Variants in PCNX2 observed in about 807,000 individuals in gnomAD.
PCNX2 encodes pecanex 2, also known as pecanex-like protein 2.
A neutral mutation model predicts 223.8 loss-of-function variants in PCNX2; 168 were observed. The ratio of observed to expected loss-of-function variants is 0.75; its 90% CI spans 0.66 to 0.85. PCNX2 has a LOEUF of 0.85. Among genes scored for constraint, PCNX2 ranks in the 40% least tolerant of loss-of-function variants. PCNX2 has a pLI of 0.00. For synonymous variants in PCNX2, 1,006 were observed against 1,052.6 expected (o/e 0.96, Z 0.86); for missense variants, 2,507 against 2,675.5 (o/e 0.94, Z 1.39).
At chr1:233,070,980 G>A (rs1248825692) in intron 23 of PCNX2, among the ~76,000 whole-genome samples, 1 of 152,152 alleles carries the variant, frequency 6.6e-6, no homozygotes, top group Non-Finnish European at 1.5e-5. Context: ...AGCTTGCAGT[G>A]AGCCGAGATC....
intron 12 of PCNX2, among the ~76,000 whole-genome samples, chr1:233,213,747 G>T (rs1011974181): frequency 1.3e-5 from 2 of 149,008 alleles, no homozygotes; most frequent in East Asian, 4.0e-4. Context: ...AACATTTACA[G>T]AGGACTTAGT....
At chr1:233,022,695 CTTTTTTTTTTTTTT>C (rs372153367) in intron 26 of PCNX2, among the ~76,000 whole-genome samples, 2 of 128,678 alleles carry the variant, frequency 1.6e-5, no homozygotes. Flanking sequence ...CTTTTTCTTT[CTTTTTTTTTTTTTT>C]TTTTTTGAGA....
At chr1:233,277,245 T>C (rs1044485470) in intron 1 of PCNX2, among the ~76,000 whole-genome samples, 2 of 152,214 alleles carry the variant, frequency 1.3e-5, no homozygotes, top group Non-Finnish European at 2.9e-5. Flanking sequence ...CTTCAATCCC[T>C]GCTGGGAGGC....
At chr1:233,261,447 G>T in intron 3 of PCNX2, 126 bp from the exon 4 acceptor site, 1 of 810,928 alleles carries the variant, frequency 1.2e-6, no homozygotes, top group Non-Finnish European at 2.1e-6. Flanking sequence ...ACAATACAGT[G>T]TTCACTCTCC....
At chr1:233,083,384 C>A (rs1673451083) in intron 23 of PCNX2, among the ~76,000 whole-genome samples, 1 of 152,152 alleles carries the variant, frequency 6.6e-6, no homozygotes, top group African/African-American at 2.4e-5. Flanking sequence ...GCAGGGGTAT[C>A]CAGGTGATAT....
chr1:233,219,699 G>A (rs1013937592), intron 10 of PCNX2, among the ~76,000 whole-genome samples: 1 of 152,146 alleles, frequency 6.6e-6, no homozygotes, highest in Non-Finnish European at 1.5e-5. Context: ...AAAGTACAGA[G>A]TTCCCACATA....
At chr1:233,307,344 TC>T in the PCNX2 span, among the ~76,000 whole-genome samples, 1 of 152,116 alleles carries the variant, frequency 6.6e-6, no homozygotes, top group African/African-American at 2.4e-5. Flanking sequence ...CACTCTTAGT[TC>T]CTGGGAGAAT....
chr1:233,248,090 C>G (rs1375777490), intron 8 of PCNX2, among the ~76,000 whole-genome samples: 1 of 152,090 alleles, frequency 6.6e-6, no homozygotes, highest in African/African-American at 2.4e-5. Context: ...TAGGGCCATT[C>G]AATAAAGATT....
intron 23 of PCNX2, among the ~76,000 whole-genome samples, chr1:233,069,180 T>TA (rs1472047055): frequency 1.3e-5 from 2 of 152,090 alleles, no homozygotes; most frequent in Admixed American, 6.5e-5. Flanking sequence ...TAAATATGCA[T>TA]AAGTCAAACA....
intron 15 of PCNX2, among the ~76,000 whole-genome samples, chr1:233,191,725 A>G (rs1159909876): frequency 6.6e-6 from 1 of 152,222 alleles, no homozygotes; most frequent in Admixed American, 6.5e-5. Flanking sequence ...ACCTCTGCTA[A>G]CATCACCTAA....
chr1:233,311,087 TC>T, the PCNX2 span, among the ~76,000 whole-genome samples: 1 of 152,224 alleles, frequency 6.6e-6, no homozygotes, highest in African/African-American at 2.4e-5. Flanking sequence ...GAGGAGAACA[TC>T]CACATGGCTG....
chr1:233,120,751 G>C (rs1675734557), intron 21 of PCNX2, among the ~76,000 whole-genome samples: 1 of 152,030 alleles, frequency 6.6e-6, no homozygotes, highest in African/African-American at 2.4e-5. Flanking sequence ...AAACATGATA[G>C]ACATTAATTT....
chr1:233,143,052 T>A (rs1677222378), intron 19 of PCNX2, among the ~76,000 whole-genome samples: 1 of 152,202 alleles, frequency 6.6e-6, no homozygotes, highest in African/African-American at 2.4e-5. Context: ...TATAACTCAA[T>A]ATCTCATCTT....
chr1:233,032,122 G>C, intron 25 of PCNX2: 2 of 908,044 alleles, frequency 2.2e-6, no homozygotes, highest in Non-Finnish European at 2.6e-6. Flanking sequence ...TTTTTTTTGA[G>C]ATAGAGTTTC....
At chr1:233,056,591 G>C (rs547537418) in intron 24 of PCNX2, among the ~76,000 whole-genome samples, 1 of 152,104 alleles carries the variant, frequency 6.6e-6, no homozygotes, top group Non-Finnish European at 1.5e-5. Context: ...TTTTGATTTC[G>C]AATTAATCAT....
the PCNX2 span, among the ~76,000 whole-genome samples, chr1:233,322,010 C>T: frequency 1.3e-4 from 20 of 152,106 alleles, no homozygotes; most frequent in African/African-American, 3.6e-4. Context: ...AGATAATAAG[C>T]GAAGCAGTAA....
At chr1:233,310,517 G>A in the PCNX2 span, among the ~76,000 whole-genome samples, 8 of 152,102 alleles carry the variant, frequency 5.3e-5, no homozygotes, top group Admixed American at 1.3e-4. Context: ...GGGGAGTTGC[G>A]GCTATGCAAC....
intron 26 of PCNX2, among the ~76,000 whole-genome samples, chr1:233,019,366 C>A (rs974574274): frequency 3.9e-5 from 6 of 152,150 alleles, no homozygotes; most frequent in East Asian, 1.9e-4. Context: ...CTCTGTAACA[C>A]CCCACCATAA....
rs373209360 is a variant in PCNX2, at chr1:232,984,108, AT to A, written c.*195del. Reference sequence around the variant, plus strand: ...GAGGTTTTTTTGTTGTTGTTGTTTGATTTTTTTTTTTTTTTTTTTTTTTTTT... The same window carrying A: ...GAGGTTTTTTTGTTGTTGTTGTTTGATTTTTTTTTTTTTTTTTTTTTTTTT... On this transcript the variant is annotated 3_prime_UTR_variant, in exon 34 of 34. Coordinates refer to ENST00000258229, the MANE Select transcript of PCNX2 (RefSeq NM_014801.4). The A allele has an allele frequency of 0.025, 3,317 of 135,130 alleles. 28 individuals carry two copies. Among genetic ancestry groups the A allele is most frequent in the African/African-American group, 0.036 (563 of 15,454 alleles). 8.4% of individuals were successfully genotyped at this position (135,130 alleles called of 1,614,324 possible). A position where few individuals can be genotyped will look rare whatever the true frequency, so the allele number is the denominator to read the frequency against.
Sources: gnomAD v4.1 joint callset for allele counts (sites outside exome capture counted in the v4.1 genomes callset) on GRCh38, gnomAD v4.1.1 for gene constraint, MANE v1.5 for transcripts, NCBI Gene and HGNC (gene_info 2026-07-23, HGNC 2026-07-21) for gene names.